Variants in AK8 observed in about 807,000 individuals in gnomAD.
AK8 encodes adenylate kinase 8.
AK8 carries 44 observed loss-of-function variants against 54.6 expected under a neutral mutation model. The ratio of observed to expected loss-of-function variants is 0.81; its 90% CI spans 0.63 to 1.04. The LOEUF (loss-of-function observed/expected upper bound fraction) is 1.04. Among genes scored for constraint, AK8 ranks in the 50% least tolerant of loss-of-function variants. The pLI, the probability that AK8 is intolerant of heterozygous loss-of-function variation, is 0.00. For synonymous variants in AK8, 239 were observed against 245.6 expected (o/e 0.97, Z 0.25); for missense variants, 555 against 613.6 (o/e 0.90, Z 1.01).
chr9:132,825,371 T>G (rs773299302), intron 8 of AK8, among the ~76,000 whole-genome samples: 3 of 152,230 alleles, frequency 2.0e-5, no homozygotes, highest in Non-Finnish European at 4.4e-5. Flanking sequence ...ATTCCAGGCA[T>G]GAATTCTTTA....
chr9:132,779,717 C>T (rs892311835), intron 11 of AK8, among the ~76,000 whole-genome samples: 1 of 152,172 alleles, frequency 6.6e-6, no homozygotes, highest in African/African-American at 2.4e-5. Context: ...ATTATTGTCC[C>T]ATTTAACAGA....
intron 2 of AK8, among the ~76,000 whole-genome samples, chr9:132,872,834 C>T (rs1023426037): frequency 6.6e-6 from 1 of 152,084 alleles, no homozygotes; most frequent in African/African-American, 2.4e-5. Context: ...GTTTTAGAGA[C>T]AGAGTCTCGC....
At chr9:132,773,841 G>A (rs1839086839) in intron 11 of AK8, among the ~76,000 whole-genome samples, 1 of 152,210 alleles carries the variant, frequency 6.6e-6, no homozygotes, top group South Asian at 2.1e-4. Flanking sequence ...CCTGGAGCAG[G>A]TGGCATTTGA....
At chr9:132,806,744 T>A (rs1367851415) in intron 10 of AK8, among the ~76,000 whole-genome samples, 2 of 152,210 alleles carry the variant, frequency 1.3e-5, no homozygotes, top group African/African-American at 4.8e-5. Flanking sequence ...TGAGCTCTGA[T>A]CCACACCTCC....
chr9:132,868,806 C>G (rs1843697877), intron 2 of AK8, among the ~76,000 whole-genome samples: 3 of 152,184 alleles, frequency 2.0e-5, no homozygotes, highest in African/African-American at 7.2e-5. Flanking sequence ...CCTTTGTCAC[C>G]ACCATTACTA....
intron 11 of AK8, among the ~76,000 whole-genome samples, chr9:132,745,412 C>G (rs186224290): frequency 6.6e-6 from 1 of 152,226 alleles, no homozygotes; most frequent in Non-Finnish European, 1.5e-5. Flanking sequence ...TCAAATACTT[C>G]AATTGTGTGC....
chr9:132,854,759 C>CT, intron 5 of AK8, 98 bp downstream of exon 5: 2 of 1,348,450 alleles, frequency 1.5e-6, no homozygotes, highest in Non-Finnish European at 2.1e-6. Flanking sequence ...CTTACCTTCT[C>CT]TTATGCCTCT....
rs1204639144 is a variant in AK8, at chr9:132,749,139, G to T, written c.1122-21605C>A. On this transcript the variant is annotated intron_variant, in intron 11 of 12. Coordinates refer to ENST00000298545, the MANE Select transcript of AK8 (RefSeq NM_152572.3). ...TCTGCCCATCTTGGCCTCCCAAAGT[G>T]CTGGGATTACCGGCGTGAGCCACTG... Among the ~76,000 whole-genome samples the T allele has an allele frequency of 2.0e-5, 3 of 151,978 alleles. 1 individual carries two copies. Among genetic ancestry groups the T allele is most frequent in the Non-Finnish European group, 4.4e-5 (3 of 67,946 alleles).
At chr9:132,847,852 G>T (rs946755937) in intron 5 of AK8, among the ~76,000 whole-genome samples, 1 of 151,928 alleles carries the variant, frequency 6.6e-6, no homozygotes, top group Non-Finnish European at 1.5e-5. Flanking sequence ...ATGGTGGTGC[G>T]CGCCTGTGAT....
At chr9:132,769,364 A>C (rs1039173917) in intron 11 of AK8, 1 of 152,264 alleles carries the variant, frequency 6.6e-6, no homozygotes, top group Admixed American at 6.5e-5. Context: ...GCCAGCAGCA[A>C]GGTTGACTCG....
chr9:132,827,125 G>GGGT, intron 7 of AK8, 71 bp from the exon 8 acceptor site: 4 of 1,520,980 alleles, frequency 2.6e-6, no homozygotes, highest in Non-Finnish European at 3.6e-6. Flanking sequence ...TGCCTGGCTG[G>GGGT]GGTGCTTGCT....
chr9:132,823,164 A>C, intron 9 of AK8, 41 bp downstream of exon 9: 1 of 1,505,582 alleles, frequency 6.6e-7, no homozygotes, highest in Non-Finnish European at 8.8e-7. Flanking sequence ...AGGCAGGGAA[A>C]GGCTCTCGAA....
chr9:132,795,611 C>G (rs529386932), intron 10 of AK8, among the ~76,000 whole-genome samples: 1 of 152,258 alleles, frequency 6.6e-6, no homozygotes, highest in South Asian at 2.1e-4. Flanking sequence ...CACGATTCAC[C>G]CAGTGGGTAG....
At chr9:132,740,189 C>A (rs966495363) in intron 11 of AK8, among the ~76,000 whole-genome samples, 3 of 152,238 alleles carry the variant, frequency 2.0e-5, no homozygotes, top group Non-Finnish European at 4.4e-5. Context: ...TTTACCAACA[C>A]GGGTACTGGT....
At chr9:132,780,239 G>T (rs573548575) in intron 11 of AK8, among the ~76,000 whole-genome samples, 1 of 152,326 alleles carries the variant, frequency 6.6e-6, no homozygotes, top group African/African-American at 2.4e-5. Context: ...GCAGAGCAGA[G>T]ATGCCCTGTG....
chr9:132,868,994 CA>C (rs1843703310), intron 2 of AK8, among the ~76,000 whole-genome samples: 1 of 152,166 alleles, frequency 6.6e-6, no homozygotes. Context: ...GCCTGGCCAA[CA>C]TGGTGAAACC....
chr9:132,728,236 G>A (rs776099779), intron 11 of AK8, among the ~76,000 whole-genome samples: 8 of 152,232 alleles, frequency 5.3e-5, no homozygotes, highest in Non-Finnish European at 8.8e-5. Flanking sequence ...ACAGATGCGG[G>A]ACAGCAGGGC....
At chr9:132,795,184 G>A (rs1840105460) in intron 10 of AK8, among the ~76,000 whole-genome samples, 1 of 152,198 alleles carries the variant, frequency 6.6e-6, no homozygotes, top group South Asian at 2.1e-4. Flanking sequence ...TCAAAGGGCT[G>A]TAAACCTAGT....
intron 9 of AK8, 87 bp downstream of exon 9, chr9:132,823,118 C>T: frequency 2.0e-6 from 3 of 1,466,286 alleles, no homozygotes; most frequent in South Asian, 1.5e-5. Flanking sequence ...CCCAACACCA[C>T]CCCCCATAAA....
Sources: allele counts gnomAD v4.1 joint callset (sites outside exome capture counted in the v4.1 genomes callset), GRCh38; gene constraint gnomAD v4.1.1; transcripts MANE v1.5; gene names NCBI Gene and HGNC (gene_info 2026-07-23, HGNC 2026-07-21).